TBX15: variants seen among roughly 807,000 people sequenced by gnomAD.
TBX15 encodes the protein T-box transcription factor 15, also known as T-box transcription factor TBX15.
TBX15 carries 18 observed loss-of-function variants against 53.9 expected under a neutral mutation model. That is an observed-to-expected ratio of 0.33 (90% confidence interval 0.23 to 0.49). The LOEUF (loss-of-function observed/expected upper bound fraction) is 0.49, where lower values mean the gene tolerates loss of function less well. Among genes scored for constraint, TBX15 ranks in the 20% least tolerant of loss-of-function variants. The pLI, the probability that TBX15 is intolerant of heterozygous loss-of-function variation, is 0.98. For synonymous variants in TBX15, 295 were observed against 278.0 expected, an observed-to-expected ratio of 1.06 and a Z score of -0.61; for missense variants, 692 against 749.5, an observed-to-expected ratio of 0.92 and a Z score of 0.90.
rs1182292444 is a variant in TBX15 at position 118,988,036 on chromosome 1, G to A, written c.-241C>T. On this transcript the variant is annotated 5_prime_UTR_variant, in exon 1 of 8. Coordinates refer to ENST00000369429, the MANE Select transcript of TBX15 (RefSeq NM_001330677.2). Reference sequence around the variant, plus strand: ...GCTAGGAACTAGCGCCCCGAGCGCCGCCCGCTCGCTGCATGAGCGCCCGAG... The same window carrying A: ...GCTAGGAACTAGCGCCCCGAGCGCCACCCGCTCGCTGCATGAGCGCCCGAG... The A allele has an allele frequency of 5.1e-6, 3 of 585,038 alleles. No individual in the cohort carries two copies. The highest frequency in any genetic ancestry group is 8.9e-6 in the Non-Finnish European group (3 of 335,370). 36.2% of individuals were successfully genotyped at this position (585,038 alleles called of 1,614,324 possible). A position where few individuals can be genotyped will look rare whatever the true frequency, so the allele number is the denominator to read the frequency against.
chr1:118,891,683 AT>A (rs1424286764), intron 7 of TBX15, among the ~76,000 whole-genome samples: 1 of 152,188 alleles, frequency 6.6e-6, no homozygotes, highest in East Asian at 1.9e-4. Context: ...TTCCCATCAG[AT>A]TTAAACCTCA....
intron 1 of TBX15, among the ~76,000 whole-genome samples, chr1:118,973,485 G>A (rs918859752): frequency 1.3e-5 from 2 of 151,306 alleles, no homozygotes; most frequent in East Asian, 3.9e-4. Context: ...AAAAGGCGCT[G>A]AATAAAAACC....
intron 2 of TBX15, among the ~76,000 whole-genome samples, chr1:118,928,876 A>G (rs1655689229): frequency 1.3e-5 from 2 of 152,230 alleles, no homozygotes; most frequent in African/African-American, 4.8e-5. Flanking sequence ...CCCATCACCT[A>G]TAAAACAAAG....
chr1:118,964,340 C>T (rs983858858), intron 1 of TBX15, among the ~76,000 whole-genome samples: 1 of 152,212 alleles, frequency 6.6e-6, no homozygotes, highest in Non-Finnish European at 1.5e-5. Flanking sequence ...TAAGGCATAG[C>T]CCTGGTTATG....
chr1:118,889,262 C>T (rs1042957489), intron 7 of TBX15, among the ~76,000 whole-genome samples: 8 of 152,132 alleles, frequency 5.3e-5, no homozygotes, highest in Non-Finnish European at 7.4e-5. Flanking sequence ...GAGAACAAAC[C>T]GAGATACTGA....
rs375761884 is a variant in TBX15, at chr1:118,885,567, C to T, written c.1025-51G>A. On this transcript the variant is annotated intron_variant, in intron 7 of 7. Transcript: ENST00000369429. ...TGAGACAGAGTCTTTTAAGATGAGT[C>T]TGCCTAAGTCACATGCAAGCCATAC... 31 of 1,547,550 alleles carry T rather than the reference C, an allele frequency of 2.0e-5. No individual in the cohort carries two copies. The African/African-American group carries it at 4.0e-4, about 20-fold the overall frequency.
intron 1 of TBX15, among the ~76,000 whole-genome samples, chr1:118,938,808 T>C (rs1656048900): frequency 6.6e-6 from 1 of 152,196 alleles, no homozygotes; most frequent in Non-Finnish European, 1.5e-5. Context: ...TTTTGAGAAG[T>C]GTCTGTTCAC....
rs115500761 is a variant in TBX15, at chr1:118,884,386, G to T, written c.*346C>A. Reference sequence around the variant, plus strand: ...GGTCTGTCTGTATGTGGGTGTGTATGTGTAACTTTTCATGGCTGCCACACA... The same window carrying T: ...GGTCTGTCTGTATGTGGGTGTGTATTTGTAACTTTTCATGGCTGCCACACA... On this transcript the variant is annotated 3_prime_UTR_variant, in exon 8 of 8. Transcript: ENST00000369429. 2.8e-4 allele frequency: 103 copies of T among 362,248 alleles called. No individual in the cohort carries two copies. The highest frequency in any genetic ancestry group is 2.3e-4 in the Non-Finnish European group (45 of 192,868). 22.4% of individuals were successfully genotyped at this position (362,248 alleles called of 1,614,324 possible).
At chr1:118,969,527 C>T (rs1425414899) in intron 1 of TBX15, among the ~76,000 whole-genome samples, 1 of 152,128 alleles carries the variant, frequency 6.6e-6, no homozygotes, top group Non-Finnish European at 1.5e-5. Flanking sequence ...TCCTTCATGA[C>T]CTATAATCAG....
chr1:118,907,502 A>G (rs993052756), intron 6 of TBX15, among the ~76,000 whole-genome samples: 1 of 152,236 alleles, frequency 6.6e-6, no homozygotes. Context: ...ATGGCTTGAT[A>G]GGAAGAAGTT....
intron 1 of TBX15, among the ~76,000 whole-genome samples, chr1:118,956,912 G>A (rs879290712): frequency 1.5e-4 from 23 of 149,426 alleles, no homozygotes; most frequent in Admixed American, 6.0e-4. Context: ...GCAGTGAGCC[G>A]ACATCGCACC....
At chr1:118,918,762 A>G (rs1039386917) in intron 5 of TBX15, among the ~76,000 whole-genome samples, 5 of 152,210 alleles carry the variant, frequency 3.3e-5, no homozygotes, top group African/African-American at 1.2e-4. Context: ...ACATGGAGGC[A>G]GTTAATAAAT....
At chr1:118,909,835 C>T (rs1364174135) in intron 6 of TBX15, among the ~76,000 whole-genome samples, 1 of 152,192 alleles carries the variant, frequency 6.6e-6, no homozygotes, top group Non-Finnish European at 1.5e-5. Context: ...CCCACCTCGG[C>T]CTCCCAAAGT....
intron 1 of TBX15, among the ~76,000 whole-genome samples, chr1:118,951,011 A>G (rs946272452): frequency 2.0e-5 from 3 of 152,246 alleles, no homozygotes; most frequent in Admixed American, 6.5e-5. Flanking sequence ...AACAATTTTC[A>G]TACTGCAACA....
intron 1 of TBX15, among the ~76,000 whole-genome samples, chr1:118,961,351 G>A (rs1571207843): frequency 6.6e-6 from 1 of 152,186 alleles, no homozygotes; most frequent in Admixed American, 6.5e-5. Context: ...GCTATGATGA[G>A]AGTGTGATTC....
intron 7 of TBX15, among the ~76,000 whole-genome samples, chr1:118,895,103 T>C (rs1422896060): frequency 2.0e-5 from 3 of 152,168 alleles, no homozygotes; most frequent in African/African-American, 7.2e-5. Flanking sequence ...ACTTGATCGG[T>C]AGCTGATCCC....
chr1:118,971,589 A>T (rs1327959815), intron 1 of TBX15, among the ~76,000 whole-genome samples: 3 of 152,232 alleles, frequency 2.0e-5, no homozygotes, highest in African/African-American at 7.2e-5. Flanking sequence ...TCAAGGAAAA[A>T]TATGTTGGAT....
intron 6 of TBX15, among the ~76,000 whole-genome samples, chr1:118,901,930 T>C (rs1005049020): frequency 1.3e-5 from 2 of 152,106 alleles, no homozygotes; most frequent in Admixed American, 6.6e-5. Flanking sequence ...AGGGGTCTGT[T>C]ACAGCAAGGA....
At chr1:118,944,719 GC>G (rs1393413696) in intron 1 of TBX15, among the ~76,000 whole-genome samples, 13 of 152,292 alleles carry the variant, frequency 8.5e-5, no homozygotes, top group Middle Eastern at 3.4e-3. Context: ...GAGCCCAGGG[GC>G]CATGGCATTT....
Sources: allele counts gnomAD v4.1 joint callset (sites outside exome capture counted in the v4.1 genomes callset), GRCh38; gene constraint gnomAD v4.1.1; transcripts MANE v1.5; gene names NCBI Gene and HGNC (gene_info 2026-07-23, HGNC 2026-07-21).